The following MAP6 variants were observed in gnomAD, a reference collection of about 807,000 sequenced individuals.
MAP6 encodes the protein microtubule-associated protein 6.
MAP6 carries 26 observed loss-of-function variants against 42.4 expected under a neutral mutation model. The observed-to-expected ratio is 0.61, with a 90% confidence interval of 0.45 to 0.85. MAP6 has a LOEUF of 0.85. MAP6 is among the 40% of genes least tolerant of loss of function. MAP6 has a pLI of 0.00. For missense variants in MAP6, 966 were observed against 1,099.0 expected (o/e 0.88, Z 1.71); for synonymous variants, 418 against 443.8 (o/e 0.94, Z 0.73).
At chr11:75,609,238 C>T (rs981946606) in intron 1 of MAP6, among the ~76,000 whole-genome samples, 3 of 152,112 alleles carry the variant, frequency 2.0e-5, no homozygotes, top group African/African-American at 4.8e-5. Flanking sequence ...ACACAGGCCA[C>T]GAGGGTCTAT....
At chr11:75,606,963 C>T (rs899436651) in intron 2 of MAP6, among the ~76,000 whole-genome samples, 3 of 152,344 alleles carry the variant, frequency 2.0e-5, no homozygotes, top group East Asian at 1.9e-4. Flanking sequence ...TCCTTCTCTA[C>T]GTCCTCTTTT....
intron 3 of MAP6, among the ~76,000 whole-genome samples, chr11:75,601,458 T>C (rs1942662147): frequency 6.6e-6 from 1 of 152,216 alleles, no homozygotes; most frequent in Non-Finnish European, 1.5e-5. Context: ...GGATGTTTTC[T>C]ATTCATCTGG....
intron 1 of MAP6, among the ~76,000 whole-genome samples, chr11:75,620,352 T>C (rs1943085991): frequency 6.6e-6 from 1 of 151,894 alleles, no homozygotes; most frequent in Non-Finnish European, 1.5e-5. Context: ...ATGCCTGTAG[T>C]CACAGCTACT....
At chr11:75,590,466 T>A (rs1242436225) in intron 3 of MAP6, among the ~76,000 whole-genome samples, 3 of 152,192 alleles carry the variant, frequency 2.0e-5, no homozygotes, top group Admixed American at 2.0e-4. Context: ...TCCTTGGATA[T>A]CTACAGCATT....
chr11:75,667,775 G>A lies in MAP6; in HGVS notation c.595C>T (p.Gln199Ter), dbSNP rs1335650210. Reference sequence around the variant, plus strand: ...TGCACTGGCCAGCGCTCCTGGCTCTGCGGCCGGCGCTTGGGCGCCCCGAGA... The same window carrying A: ...TGCACTGGCCAGCGCTCCTGGCTCTACGGCCGGCGCTTGGGCGCCCCGAGA... ...PILGAPKRRP[Q>*]SQERWPVQAA... Residue 199 changes from glutamine to a stop codon, truncating the protein, a stop_gained, in exon 1 of 4, where the codon CAG (glutamine) becomes TAG (stop). Transcript: ENST00000304771. LOFTEE classifies it high-confidence loss of function. This position sits in a 1 kb window ranked among gnomAD's most constrained non-coding sequence, Gnocchi z 5.6. 1 of 1,307,188 alleles carries A rather than the reference G, an allele frequency of 7.7e-7. No individual in the cohort carries two copies. The highest frequency in any genetic ancestry group is 9.7e-7 in the Non-Finnish European group (1 of 1,027,424). 81.0% of individuals were successfully genotyped at this position (1,307,188 alleles called of 1,614,324 possible).
intron 3 of MAP6, among the ~76,000 whole-genome samples, chr11:75,588,833 G>A (rs1378604791): frequency 6.6e-6 from 1 of 152,146 alleles, no homozygotes; most frequent in Non-Finnish European, 1.5e-5. Flanking sequence ...TAAAAAGCAG[G>A]CCAGCTATTA....
At position 75,587,392 on chromosome 11, in the gene MAP6, C is replaced by A; in HGVS notation, c.2109G>T (p.Lys703Asn). The part of the protein sequence containing the change: ...VHDSAVVAPV[K>N]NQGPVVPESV... ...ACTCGGGGACCACAGGACCTTGATT[C>A]TTTACAGGTGCCACAACTGCAGAAT... Residue 703 changes from lysine (K) to asparagine (N), a missense_variant, in exon 4 of 4, where the codon AAG becomes AAT. By Grantham distance (94) the Lys-to-Asn change is moderately conservative. Coordinates refer to ENST00000304771, the MANE Select transcript of MAP6 (RefSeq NM_033063.2). 6.2e-7 allele frequency: 1 copy of A among 1,614,128 alleles called. No individual in the cohort carries two copies. The highest frequency in any genetic ancestry group is 8.5e-7 in the Non-Finnish European group (1 of 1,179,992).
chr11:75,616,085 G>A (rs1383584198), intron 1 of MAP6, among the ~76,000 whole-genome samples: 5 of 152,136 alleles, frequency 3.3e-5, no homozygotes, highest in East Asian at 1.9e-4. Flanking sequence ...AATTATATAA[G>A]GAACAAGTTT....
intron 1 of MAP6, among the ~76,000 whole-genome samples, chr11:75,618,785 C>T (rs933833128): frequency 6.6e-5 from 10 of 152,292 alleles, no homozygotes; most frequent in Non-Finnish European, 1.0e-4. Flanking sequence ...GACCTCCTGT[C>T]GATGCCCTGG....
intron 3 of MAP6, among the ~76,000 whole-genome samples, chr11:75,590,234 G>A (rs553925912): frequency 1.3e-5 from 2 of 152,328 alleles, no homozygotes; most frequent in East Asian, 3.9e-4. Flanking sequence ...GCAGGAAATT[G>A]ATTAGGTGTA....
rs1450247160 is a variant in MAP6, at chr11:75,587,375, A to T, written c.2126T>A (p.Val709Asp). 6.2e-7 allele frequency: 1 copy of T among 1,613,930 alleles called. No individual in the cohort carries two copies. The highest frequency in any genetic ancestry group is 8.5e-7 in the Non-Finnish European group (1 of 1,180,018). Residue 709 changes from valine (V) to aspartate (D), a missense_variant, in exon 4 of 4, where the codon GTC becomes GAC. This residue lies in a region of MAP6 where 943 missense variants were observed against 1,049.9 expected (regional missense o/e 0.90). Transcript: ENST00000304771. ...VAPVKNQGPV[V>D]PESVKNQDPI... ...GTCTTGATTCTTCACGGACTCGGGGACCACAGGACCTTGATTCTTTACAGG... is the reference window on the plus strand; with the variant it reads ...GTCTTGATTCTTCACGGACTCGGGGTCCACAGGACCTTGATTCTTTACAGG...
At chr11:75,644,422 T>C (rs966207770) in intron 1 of MAP6, among the ~76,000 whole-genome samples, 42 of 152,350 alleles carry the variant, frequency 2.8e-4, no homozygotes, top group African/African-American at 9.4e-4. Flanking sequence ...AGTTAATATT[T>C]ATGGTATTAA....
intron 1 of MAP6, among the ~76,000 whole-genome samples, chr11:75,640,507 A>C (rs990179379): frequency 2.6e-5 from 4 of 152,238 alleles, no homozygotes; most frequent in Non-Finnish European, 5.9e-5. Context: ...TCTCAGAAGC[A>C]TATTGAAATT....
chr11:75,667,994 G>T lies in MAP6; in HGVS notation c.376C>A (p.Arg126=), dbSNP rs934394517. ...PADSVMRQDY[R]AWKVQRPEPS... ...TCGGGCCGCTGCACCTTCCAGGCTC[G>T]GTAATCCTGCCGCATCACCGAGTCC... The change falls in exon 1 of 4, where the codon CGA becomes AGA. Residue 126 remains arginine, a synonymous_variant. Transcript: ENST00000304771. This position sits in a 1 kb window ranked among gnomAD's most constrained non-coding sequence, Gnocchi z 5.6. 35 of 1,249,312 alleles carry T rather than the reference G, an allele frequency of 2.8e-5. No individual in the cohort carries two copies. Among genetic ancestry groups the T allele is most frequent in the Non-Finnish European group, 3.2e-5 (32 of 995,072 alleles). The allele number at this position is 1,249,312 out of a possible 1,614,324, so 77.4% of individuals were successfully genotyped here. A position where few individuals can be genotyped will look rare whatever the true frequency, so the allele number is the denominator to read the frequency against.
At chr11:75,644,101 TG>T (rs1439175185) in intron 1 of MAP6, among the ~76,000 whole-genome samples, 25 of 152,104 alleles carry the variant, frequency 1.6e-4, no homozygotes, top group African/African-American at 6.0e-4. Flanking sequence ...TGCTCGGGAG[TG>T]CTAAACATTG....
rs1442542233 is a variant in MAP6, at chr11:75,587,744, G to A, written c.1757C>T (p.Pro586Leu). The stretch of plus-strand genomic sequence containing the variant: ...ATCCTTGACAGATGCTGAGACCATG[G>A]GACCTTCATCCTTGACAGGTGCTGG... ...MVPAPVKDEG[P>L]MVSASVKDQG... The change falls in exon 4 of 4, where the codon CCC (proline) becomes CTC (leucine). Residue 586 changes from proline (P) to leucine (L), a missense_variant. Pro to Leu is a moderately conservative substitution (Grantham distance 98). Coordinates refer to ENST00000304771, the MANE Select transcript of MAP6 (RefSeq NM_033063.2). The A allele has an allele frequency of 1.2e-6, 2 of 1,609,014 alleles. No homozygotes were observed. Among genetic ancestry groups the A allele is most frequent in the African/African-American group, 2.7e-5 (2 of 74,812 alleles).
intron 2 of MAP6, chr11:75,607,808 G>T (rs1426508398): frequency 5.8e-6 from 2 of 347,722 alleles, no homozygotes; most frequent in African/African-American, 2.2e-5. Flanking sequence ...TAGGGCTCAG[G>T]TGAGGTTTTC....
chr11:75,605,985 T>C lies in MAP6; in HGVS notation c.1139A>G (p.Gln380Arg). The change falls in exon 3 of 4, where the codon CAG becomes CGG. Residue 380 changes from glutamine to arginine, a missense_variant. Gln to Arg is a conservative substitution (Grantham distance 43). Around this residue, in one of 2 missense-constraint regions of MAP6, gnomAD observed 943 missense variants for 1,049.9 expected, o/e 0.90. Transcript: ENST00000304771. ...EPPKVEKPSVQSSKPKKTSAS... is the reference protein window; with the variant it reads ...EPPKVEKPSVRSSKPKKTSAS... Reference sequence around the variant, plus strand: ...TGAGGTCTTTTTTGGTTTGGAACTCTGAACACTAGGTTTTTCCACCTGTAC... The same window carrying C: ...TGAGGTCTTTTTTGGTTTGGAACTCCGAACACTAGGTTTTTCCACCTGTAC... 1.9e-6 allele frequency: 3 copies of C among 1,613,910 alleles called. No homozygotes were observed. The highest frequency in any genetic ancestry group is 1.7e-6 in the Non-Finnish European group (2 of 1,180,014).
Position 75,667,652 on chromosome 11 carries a change from TG to T in MAP6, c.717del (p.Arg240GlyfsTer58). The T allele has an allele frequency of 7.9e-7, 1 of 1,258,020 alleles. No homozygotes were observed. Among genetic ancestry groups the T allele is most frequent in the South Asian group, 3.0e-5 (1 of 32,828 alleles). 77.9% of individuals were successfully genotyped at this position (1,258,020 alleles called of 1,614,324 possible). A position where few individuals can be genotyped will look rare whatever the true frequency, so the allele number is the denominator to read the frequency against. ...KASGADERDT[R>X]RKAGPAWIVR... ...ACAATCCAGGCAGGCCCGGCCTTCC[TG>T]CGCGTGTCGCGCTCGTCCGCCCCGG... is the stretch of plus-strand genomic sequence containing the variant. On this transcript the variant is annotated frameshift_variant, in exon 1 of 4. Transcript: ENST00000304771. LOFTEE classifies it high-confidence loss of function. This position sits in a 1 kb window ranked among gnomAD's most constrained non-coding sequence, Gnocchi z 5.6.
Sources: gnomAD v4.1 joint callset for allele counts (sites outside exome capture counted in the v4.1 genomes callset) on GRCh38, gnomAD v4.1.1 for gene constraint, gnomAD v4.1.1 regional missense constraint, Gnocchi (gnomAD v3.1) non-coding constraint, MANE v1.5 for transcripts, NCBI Gene and HGNC (gene_info 2026-07-23, HGNC 2026-07-21) for gene names.